The following PGM5 variants were observed in gnomAD, a reference collection of about 807,000 sequenced individuals.
PGM5 encodes phosphoglucomutase-like protein 5.
PGM5 carries 23 observed loss-of-function variants against 59.2 expected under a neutral mutation model. That is an observed-to-expected ratio of 0.39 (90% CI 0.28 to 0.55). The LOEUF (loss-of-function observed/expected upper bound fraction) is 0.55. PGM5 is among the 20% of genes least tolerant of loss of function. The probability of loss-of-function intolerance (pLI) is 0.66; values close to 1 mark genes in which losing one functional copy is unlikely to be tolerated. For missense variants in PGM5, 574 were observed against 748.3 expected (o/e 0.77, Z 2.72); for synonymous variants, 214 against 286.0 (o/e 0.75, Z 2.54).
chr9:68,456,783 C>A lies in PGM5; in HGVS notation c.1044-8310C>A, dbSNP rs146842814. On this transcript the variant is annotated intron_variant, in intron 6 of 10. Coordinates refer to ENST00000396396, the MANE Select transcript of PGM5 (RefSeq NM_021965.4). ...AGGATTACAGGAGCCCACCACCATG[C>A]CTGGCTAATTTTTTGTATTTTTAGT... is the stretch of plus-strand genomic sequence containing the variant. Among the ~76,000 whole-genome samples, 749 of 152,068 alleles carry A rather than the reference C, an allele frequency of 4.9e-3. 4 individuals carry two copies. Among genetic ancestry groups the A allele is most frequent in the African/African-American group, 0.017 (687 of 41,478 alleles).
At chr9:68,441,827 A>G (rs1168986511) in intron 6 of PGM5, among the ~76,000 whole-genome samples, 1 of 151,746 alleles carries the variant, frequency 6.6e-6, no homozygotes, top group Admixed American at 6.6e-5. Context: ...TTCATAAATA[A>G]CGTAATTGTC....
intron 7 of PGM5, among the ~76,000 whole-genome samples, chr9:68,478,238 G>A (rs1311669959): frequency 1.3e-5 from 2 of 152,224 alleles, no homozygotes; most frequent in Non-Finnish European, 2.9e-5. Context: ...CATTTAGACT[G>A]CAGTCTTCAT....
At chr9:68,393,214 A>G (rs1822410694) in intron 6 of PGM5, among the ~76,000 whole-genome samples, 1 of 152,080 alleles carries the variant, frequency 6.6e-6, no homozygotes, top group Non-Finnish European at 1.5e-5. Context: ...CACAAATAAG[A>G]GAATGTAAAT....
intron 1 of PGM5, among the ~76,000 whole-genome samples, chr9:68,371,869 A>C (rs1321957551): frequency 6.6e-6 from 1 of 151,766 alleles, no homozygotes; most frequent in Non-Finnish European, 1.5e-5. Flanking sequence ...AGACGTGAAA[A>C]CAGAGGCAGA....
At chr9:68,399,870 G>C (rs1431102080) in intron 6 of PGM5, among the ~76,000 whole-genome samples, 2 of 151,952 alleles carry the variant, frequency 1.3e-5, no homozygotes, top group African/African-American at 4.8e-5. Flanking sequence ...AATTTTTCCT[G>C]AAAATTGTTT....
intron 6 of PGM5, among the ~76,000 whole-genome samples, chr9:68,464,362 T>C (rs1162792474): frequency 6.6e-6 from 1 of 152,162 alleles, no homozygotes; most frequent in African/African-American, 2.4e-5. Flanking sequence ...TGGATTGAAA[T>C]GCAGTCACAA....
intron 6 of PGM5, among the ~76,000 whole-genome samples, chr9:68,409,783 A>G (rs1172102285): frequency 7.2e-6 from 1 of 139,028 alleles, no homozygotes; most frequent in Non-Finnish European, 1.6e-5. Context: ...CTAGATGACG[A>G]GTTAGTGGGT....
At chr9:68,524,767 C>T (rs1027182229) in intron 10 of PGM5, among the ~76,000 whole-genome samples, 1 of 152,292 alleles carries the variant, frequency 6.6e-6, no homozygotes, top group East Asian at 1.9e-4. Flanking sequence ...GTCTTTCTCT[C>T]TTTATCCTTG....
chr9:68,486,366 C>T (rs1190434062), intron 9 of PGM5, among the ~76,000 whole-genome samples: 1 of 152,144 alleles, frequency 6.6e-6, no homozygotes, highest in Non-Finnish European at 1.5e-5. Context: ...GTTATCACCA[C>T]AACCAATTCA....
intron 1 of PGM5, among the ~76,000 whole-genome samples, chr9:68,371,322 C>T (rs1315649988): frequency 6.6e-6 from 1 of 152,096 alleles, no homozygotes; most frequent in Non-Finnish European, 1.5e-5. Context: ...TGCTTCAATG[C>T]TGTAAACATA....
Position 68,357,239 on chromosome 9 carries a change from C to A in PGM5, c.112C>A (p.Arg38Ser). The A allele has an allele frequency of 1.3e-6, 2 of 1,542,566 alleles. No homozygotes were observed. Among genetic ancestry groups the A allele is most frequent in the South Asian group, 1.2e-5 (1 of 83,896 alleles). The change falls in exon 1 of 11, where the codon CGC (arginine) becomes AGC (serine). Residue 38 changes from arginine (R) to serine (S), a missense_variant. Arg to Ser is a moderately radical substitution (Grantham distance 110, BLOSUM62 -1). Transcript: ENST00000396396. ...RRPTGLFEGQRNYLPNFIQSV... is the reference protein window; with the variant it reads ...RRPTGLFEGQSNYLPNFIQSV... ...ACCCACCGGCCTCTTCGAGGGCCAG[C>A]GCAACTACCTGCCCAACTTTATCCA...
intron 7 of PGM5, among the ~76,000 whole-genome samples, chr9:68,477,306 C>A (rs552165236): frequency 2.0e-5 from 3 of 151,218 alleles, no homozygotes; most frequent in African/African-American, 7.4e-5. Context: ...CACAGCCCCC[C>A]TCAGGTTTGC....
At chr9:68,382,174 C>T (rs1758283252) in intron 2 of PGM5, among the ~76,000 whole-genome samples, 1 of 151,416 alleles carries the variant, frequency 6.6e-6, no homozygotes, top group African/African-American at 2.4e-5. Context: ...AAAACAGAAA[C>T]ATAGACCAAG....
At chr9:68,406,674 ATATG>A (rs200815664) in intron 6 of PGM5, among the ~76,000 whole-genome samples, 1,888 of 5,392 alleles carry the variant, frequency 0.35, 500 homozygotes, top group South Asian at 0.43. Flanking sequence ...ATATATATAT[ATATG>A]TATATATATA....
At chr9:68,439,474 G>A (rs1554683545) in intron 6 of PGM5, among the ~76,000 whole-genome samples, 1 of 144,958 alleles carries the variant, frequency 6.9e-6, no homozygotes, top group African/African-American at 2.5e-5. Context: ...TATTCACTCT[G>A]TTCTGCCATA....
intron 9 of PGM5, chr9:68,498,266 T>TG (rs1307427594): frequency 5.3e-5 from 8 of 152,204 alleles, no homozygotes; most frequent in African/African-American, 1.9e-4. Flanking sequence ...AATTTCACCA[T>TG]GGCAATATAA....
chr9:68,430,579 A>G (rs576635113), intron 6 of PGM5, among the ~76,000 whole-genome samples: 2 of 152,360 alleles, frequency 1.3e-5, no homozygotes, highest in Admixed American at 1.3e-4. Context: ...AGGCCCAAGG[A>G]CATTAAAGGC....
chr9:68,513,939 CT>C (rs1554689554), intron 10 of PGM5, among the ~76,000 whole-genome samples: 1 of 152,188 alleles, frequency 6.6e-6, no homozygotes. Context: ...TATGAATTCA[CT>C]TTCCTTTTAA....
At chr9:68,362,834 T>G (rs868940520) in intron 1 of PGM5, among the ~76,000 whole-genome samples, 9 of 151,560 alleles carry the variant, frequency 5.9e-5, no homozygotes, top group Admixed American at 1.3e-4. Context: ...GCACTGTGCC[T>G]GCCTCAAGAT....
Sources: gnomAD v4.1 joint callset for allele counts (sites outside exome capture counted in the v4.1 genomes callset) on GRCh38, gnomAD v4.1.1 for gene constraint, MANE v1.5 for transcripts, NCBI Gene and HGNC (gene_info 2026-07-23, HGNC 2026-07-21) for gene names.